Variants in SNW1 observed in about 807,000 individuals in gnomAD.
SNW1 encodes SNW domain containing 1.
Under a neutral mutation model 75.6 loss-of-function variants are expected in SNW1, and 9 were observed. That is an observed-to-expected ratio of 0.12 (90% CI 0.07 to 0.21). SNW1 has a LOEUF of 0.21. SNW1 is among the 10% of genes least tolerant of loss of function. SNW1 has a pLI of 1.00. For synonymous variants in SNW1, 200 were observed against 219.1 expected, an observed-to-expected ratio of 0.91 and a Z score of 0.77; for missense variants, 409 against 670.9, an observed-to-expected ratio of 0.61 and a Z score of 4.31.
intron 7 of SNW1, among the ~76,000 whole-genome samples, 156 bp downstream of exon 7, chr14:77,735,781 C>T (rs2080666314): frequency 6.6e-6 from 1 of 152,136 alleles, no homozygotes; most frequent in African/African-American, 2.4e-5. Context: ...ATGTTATATA[C>T]ATTCTCATAA....
chr14:77,729,987 T>A (rs2080616437), intron 10 of SNW1, among the ~76,000 whole-genome samples: 1 of 152,128 alleles, frequency 6.6e-6, no homozygotes, highest in Non-Finnish European at 1.5e-5. Flanking sequence ...CTCCTACTTA[T>A]CCCCTTCTTT....
chr14:77,725,609 G>A (rs528183899), intron 10 of SNW1, among the ~76,000 whole-genome samples: 1 of 152,176 alleles, frequency 6.6e-6, no homozygotes, highest in South Asian at 2.1e-4. Flanking sequence ...TGTATGCTTT[G>A]GGCATCAGCG....
chr14:77,747,703 G>A (rs1271123201), intron 3 of SNW1, among the ~76,000 whole-genome samples: 1 of 147,138 alleles, frequency 6.8e-6, no homozygotes, highest in Non-Finnish European at 1.5e-5. Flanking sequence ...CCAGGAGGGA[G>A]GTGCGGGGCA....
chr14:77,725,445 CAGTTTCAT>C (rs1213122081), intron 10 of SNW1, among the ~76,000 whole-genome samples: 5 of 152,182 alleles, frequency 3.3e-5, no homozygotes, highest in African/African-American at 1.2e-4. Context: ...TTTCATCTAG[CAGTTTCAT>C]AGTTCAGGCC....
In SNW1 at chr14:77,729,776, T is replaced by C. The variant is rs376689872; in HGVS notation, c.1033+1212A>G. 7.2e-5 allele frequency among the ~76,000 whole-genome samples: 11 copies of C among 152,320 alleles called. 1 individual carries two copies. In the East Asian group the frequency reaches 1.4e-3, roughly 19 times the overall value. On this transcript the variant is annotated intron_variant, in intron 10 of 13. Transcript: ENST00000261531. ...TTTCACAGTGTATATTAAAACATCA[T>C]GTTGTATGTTTTATACAATTTTTAT...
intron 1 of SNW1, among the ~76,000 whole-genome samples, chr14:77,757,910 CA>C (rs1213804990): frequency 7.5e-5 from 11 of 146,710 alleles, no homozygotes; most frequent in Non-Finnish European, 1.5e-4. Flanking sequence ...GCCATCAAAT[CA>C]ATCTAATCAT....
At chr14:77,759,513 AAAAAT>A (rs1053913410) in intron 1 of SNW1, among the ~76,000 whole-genome samples, 11 of 152,130 alleles carry the variant, frequency 7.2e-5, no homozygotes, top group African/African-American at 1.9e-4. Context: ...CCCTATATCA[AAAAAT>A]AAAATAAATA....
chr14:77,738,954 A>G lies in SNW1; in HGVS notation c.426+12T>C. On this transcript the variant is annotated intron_variant, in intron 4 of 13. Coordinates refer to ENST00000261531, the MANE Select transcript of SNW1 (RefSeq NM_012245.3). The stretch of plus-strand genomic sequence containing the variant: ...ATGTAAATAGTCATCGAATATATCA[A>G]TTCCCAGTTACCTCTTTAATAGCTT... The G allele has an allele frequency of 6.2e-7, 1 of 1,612,622 alleles. No homozygotes were observed. Among genetic ancestry groups the G allele is most frequent in the Admixed American group, 1.7e-5 (1 of 60,020 alleles).
At chr14:77,760,450 A>T (rs1409353793) in intron 1 of SNW1, among the ~76,000 whole-genome samples, 1 of 152,210 alleles carries the variant, frequency 6.6e-6, no homozygotes, top group East Asian at 1.9e-4. Context: ...CTCCCACTGA[A>T]AAGCATCTTT....
intron 2 of SNW1, among the ~76,000 whole-genome samples, chr14:77,754,373 G>A (rs569243745): frequency 2.6e-5 from 4 of 152,138 alleles, no homozygotes; most frequent in South Asian, 2.1e-4. Flanking sequence ...ACAAGCTAGA[G>A]ATAGAAAGAG....
At chr14:77,734,000 A>C (rs2080649268) in intron 8 of SNW1, 1 of 418,820 alleles carries the variant, frequency 2.4e-6, no homozygotes, top group South Asian at 1.7e-5. Context: ...CAGTTACAAA[A>C]TACCAATCAA....
intron 1 of SNW1, among the ~76,000 whole-genome samples, chr14:77,759,535 A>G (rs1183715611): frequency 6.6e-6 from 1 of 152,084 alleles, no homozygotes; most frequent in Non-Finnish European, 1.5e-5. Flanking sequence ...AATAAAAAAT[A>G]CCCATGACAT....
chr14:77,720,526 C>G, intron 12 of SNW1, 185 bp downstream of exon 12: 1 of 732,934 alleles, frequency 1.4e-6, no homozygotes, highest in Non-Finnish European at 2.5e-6. Context: ...TGTCTCAAAT[C>G]TCAGCCCACT....
intron 3 of SNW1, among the ~76,000 whole-genome samples, chr14:77,740,784 ATC>A (rs1278402246): frequency 6.6e-6 from 1 of 152,074 alleles, no homozygotes; most frequent in African/African-American, 2.4e-5. Flanking sequence ...CATGGTTATT[ATC>A]TGTCTCCCGT....
intron 2 of SNW1, among the ~76,000 whole-genome samples, chr14:77,753,778 C>A (rs556910862): frequency 6.6e-6 from 1 of 151,814 alleles, no homozygotes; most frequent in East Asian, 2.0e-4. Context: ...ATGGTGAAAC[C>A]CTGTCTGTAC....
chr14:77,758,315 CAAAAA>C (rs55707854), intron 1 of SNW1, among the ~76,000 whole-genome samples: 3 of 85,836 alleles, frequency 3.5e-5, no homozygotes, highest in African/African-American at 5.1e-5. Flanking sequence ...GACTCTGCCA[CAAAAA>C]AAAAAAAAAA....
intron 8 of SNW1, 105 bp from the exon 9 acceptor site, chr14:77,732,706 C>A: frequency 1.4e-6 from 1 of 702,360 alleles, no homozygotes; most frequent in South Asian, 1.7e-5. Context: ...GCTCTGTCAC[C>A]CTGGCTGGAG....
intron 12 of SNW1, among the ~76,000 whole-genome samples, chr14:77,719,977 T>C (rs944428555): frequency 1.9e-4 from 29 of 152,232 alleles, no homozygotes; most frequent in Non-Finnish European, 4.0e-4. Context: ...AGGCTTAAAG[T>C]GTCCTAGTTA....
In SNW1 at chr14:77,726,261, C is replaced by T. The variant is rs181824078; in HGVS notation, c.1034-2984G>A. Among the ~76,000 whole-genome samples, 169 of 152,314 alleles carry T rather than the reference C, an allele frequency of 1.1e-3. 2 individuals are homozygous for T. Among genetic ancestry groups the T allele is most frequent in the Non-Finnish European group, 5.1e-4 (35 of 68,020 alleles). ...TTTAACAATAATAATTTTTCCAATT[C>T]ATGAGCATGGGCTATCTTTCCATTT... On this transcript the variant is annotated intron_variant, in intron 10 of 13. Transcript: ENST00000261531.
Sources: allele counts gnomAD v4.1 joint callset (sites outside exome capture counted in the v4.1 genomes callset), GRCh38; gene constraint gnomAD v4.1.1; transcripts MANE v1.5; gene names NCBI Gene and HGNC (gene_info 2026-07-23, HGNC 2026-07-21).